Variants in ASIC2 observed in about 807,000 individuals in gnomAD.
ASIC2 encodes acid-sensing ion channel 2.
ASIC2 carries 25 observed loss-of-function variants against 57.3 expected under a neutral mutation model. That is an observed-to-expected ratio of 0.44 (90% CI 0.32 to 0.61). The LOEUF (loss-of-function observed/expected upper bound fraction) is 0.61, where lower values mean the gene tolerates loss of function less well. Ranked by LOEUF, ASIC2 falls within the 20% of genes least tolerant of loss-of-function variation. The pLI, the probability that ASIC2 is intolerant of heterozygous loss-of-function variation, is 0.06. For synonymous variants in ASIC2, 319 were observed against 307.5 expected (o/e 1.04, Z -0.39); for missense variants, 641 against 738.1 (o/e 0.87, Z 1.52).
intron 1 of ASIC2, among the ~76,000 whole-genome samples, chr17:33,432,757 CT>C (rs1484867843): frequency 6.6e-6 from 1 of 152,084 alleles, no homozygotes; most frequent in Admixed American, 6.5e-5. Flanking sequence ...TGAACAGACA[CT>C]TTTCAAAAGA....
chr17:33,161,892 A>G (rs11651051), intron 1 of ASIC2, among the ~76,000 whole-genome samples: 8,853 of 115,442 alleles, frequency 0.077, 334 homozygotes, highest in East Asian at 0.096. Flanking sequence ...TTTTTGCTTC[A>G]AAACTGTGCT....
chr17:33,302,784 G>A (rs914594711), intron 1 of ASIC2, among the ~76,000 whole-genome samples: 3 of 152,182 alleles, frequency 2.0e-5, no homozygotes, highest in African/African-American at 4.8e-5. Flanking sequence ...GGAAGAGAAG[G>A]CAGGGGAGGG....
chr17:33,145,825 T>C (rs1904537671), intron 1 of ASIC2, among the ~76,000 whole-genome samples: 1 of 152,136 alleles, frequency 6.6e-6, no homozygotes, highest in South Asian at 2.1e-4. Context: ...TGCAGGAGGC[T>C]TTCTCCTCTT....
chr17:33,285,605 G>T (rs114068584), intron 1 of ASIC2, among the ~76,000 whole-genome samples: 90 of 152,306 alleles, frequency 5.9e-4, no homozygotes, highest in African/African-American at 2.1e-3. Context: ...CAAAGCTGAG[G>T]TTGGGCTGGA....
intron 1 of ASIC2, among the ~76,000 whole-genome samples, chr17:33,547,505 G>C (rs28526295): frequency 0.46 from 70,266 of 151,634 alleles, 16,341 homozygotes; most frequent in South Asian, 0.53. Context: ...ACCCTCCCAG[G>C]TATCTGATCA....
chr17:33,611,176 C>T (rs1349339214), intron 1 of ASIC2, among the ~76,000 whole-genome samples: 2 of 152,188 alleles, frequency 1.3e-5, no homozygotes, highest in Non-Finnish European at 2.9e-5. Context: ...TGGTCCCCTT[C>T]CCTTTCCCCC....
At chr17:33,649,212 T>C (rs1475613966) in intron 1 of ASIC2, among the ~76,000 whole-genome samples, 2 of 152,206 alleles carry the variant, frequency 1.3e-5, no homozygotes, top group Non-Finnish European at 2.9e-5. Context: ...TTCGGCAAGG[T>C]TGCAAGACAA....
intron 2 of ASIC2, among the ~76,000 whole-genome samples, chr17:33,109,530 A>G (rs767031134): frequency 4.6e-5 from 7 of 152,106 alleles, no homozygotes; most frequent in Non-Finnish European, 7.4e-5. Flanking sequence ...CCCAGGGATG[A>G]CTCAAACTCT....
At chr17:33,499,216 C>T (rs1219713816) in intron 1 of ASIC2, among the ~76,000 whole-genome samples, 1 of 152,224 alleles carries the variant, frequency 6.6e-6, no homozygotes, top group Non-Finnish European at 1.5e-5. Context: ...ACAAGCAGCT[C>T]CAGGCTGAAG....
At chr17:33,653,964 C>T (rs1268668244) in intron 1 of ASIC2, among the ~76,000 whole-genome samples, 12 of 152,128 alleles carry the variant, frequency 7.9e-5, no homozygotes, top group Admixed American at 7.9e-4. Context: ...ATTCTTTTTG[C>T]AGATGAGGAG....
chr17:34,035,683 CAAGAA>C (rs1365653153), intron 1 of ASIC2, among the ~76,000 whole-genome samples: 1 of 151,924 alleles, frequency 6.6e-6, no homozygotes, highest in Non-Finnish European at 1.5e-5. Context: ...AACAAATTTA[CAAGAA>C]AAAAACAAAC....
chr17:34,041,368 T>A (rs1414555809), intron 1 of ASIC2: 2 of 151,930 alleles, frequency 1.3e-5, no homozygotes, highest in Non-Finnish European at 2.9e-5. Flanking sequence ...CTCCACAGAG[T>A]CCTCAAATGC....
intron 1 of ASIC2, among the ~76,000 whole-genome samples, chr17:34,089,649 C>G (rs1481231989): frequency 6.6e-6 from 1 of 152,176 alleles, no homozygotes; most frequent in Non-Finnish European, 1.5e-5. Flanking sequence ...TGCTTGGCCC[C>G]AGGTCCCCAG....
At position 33,310,791 on chromosome 17, in the gene ASIC2, G is replaced by A. The variant is rs561716034; in HGVS notation, c.556-198724C>T. Among the ~76,000 whole-genome samples, 23 of 152,268 alleles carry A rather than the reference G, an allele frequency of 1.5e-4. No homozygotes were observed. The South Asian group carries it at 4.8e-3, about 32-fold the overall frequency. On this transcript the variant is annotated intron_variant, in intron 1 of 9. Transcript: ENST00000359872. ...ACACAAGATTACTTGGGGGCCAGGAGGAAAACTTTTCTTATCCAAATATAT... is the reference window on the plus strand; with the variant it reads ...ACACAAGATTACTTGGGGGCCAGGAAGAAAACTTTTCTTATCCAAATATAT...
intron 1 of ASIC2, among the ~76,000 whole-genome samples, chr17:33,421,643 A>G (rs149732409): frequency 6.6e-6 from 1 of 152,334 alleles, no homozygotes; most frequent in East Asian, 1.9e-4. Context: ...AGAGCAGCGG[A>G]AGGCAAAAGT....
intron 1 of ASIC2, among the ~76,000 whole-genome samples, chr17:33,910,581 A>G (rs1426237745): frequency 6.6e-6 from 1 of 152,100 alleles, no homozygotes; most frequent in Non-Finnish European, 1.5e-5. Flanking sequence ...TTTTAATTGC[A>G]TTTTTATGGG....
intron 1 of ASIC2, among the ~76,000 whole-genome samples, chr17:33,860,998 T>G (rs1158053): frequency 0.11 from 16,963 of 152,280 alleles, 1,149 homozygotes; most frequent in Admixed American, 0.17. Context: ...TGCACTGTCC[T>G]TTTGGAAAGA....
chr17:33,553,279 A>G (rs1240793997), intron 1 of ASIC2, among the ~76,000 whole-genome samples: 1 of 152,146 alleles, frequency 6.6e-6, no homozygotes, highest in African/African-American at 2.4e-5. Flanking sequence ...GTAACTGAAT[A>G]TGTGGTTTAT....
chr17:33,706,425 C>T (rs767236349), intron 1 of ASIC2, among the ~76,000 whole-genome samples: 65 of 151,388 alleles, frequency 4.3e-4, no homozygotes, highest in Admixed American at 1.4e-3. Flanking sequence ...GGTTTCACGA[C>T]GTTTTCCAGG....
Sources: allele counts gnomAD v4.1 joint callset (sites outside exome capture counted in the v4.1 genomes callset), GRCh38; gene constraint gnomAD v4.1.1; transcripts MANE v1.5; gene names NCBI Gene and HGNC (gene_info 2026-07-23, HGNC 2026-07-21).